ADAMTS9: variants seen among roughly 807,000 people sequenced by gnomAD.
ADAMTS9 encodes the protein ADAM metallopeptidase with thrombospondin type 1 motif 9, also known as A disintegrin and metalloproteinase with thrombospondin motifs 9.
In ADAMTS9, 107 loss-of-function variants were observed where a neutral mutation model predicts 257.1. The observed-to-expected ratio is 0.42, with a 90% confidence interval of 0.36 to 0.49. ADAMTS9 has a LOEUF of 0.49. ADAMTS9 is among the 20% of genes least tolerant of loss of function. ADAMTS9 has a pLI of 0.03. For missense variants in ADAMTS9, 2,353 were observed against 2,469.1 expected, an observed-to-expected ratio of 0.95 and a Z score of 1.00; for synonymous variants, 982 against 880.9, an observed-to-expected ratio of 1.11 and a Z score of -2.03.
At chr3:64,683,585 TAC>T (rs1184829022) in intron 2 of ADAMTS9, among the ~76,000 whole-genome samples, 3 of 152,168 alleles carry the variant, frequency 2.0e-5, no homozygotes, top group Non-Finnish European at 4.4e-5. Flanking sequence ...GATGAGATAA[TAC>T]ATATGTAAAC....
intron 25 of ADAMTS9, 142 bp downstream of exon 25, chr3:64,603,780 C>T (rs887021035): frequency 4.1e-6 from 4 of 977,366 alleles, no homozygotes; most frequent in Non-Finnish European, 4.6e-6. Context: ...ATAAGTGGAG[C>T]AGCACAATTT....
At chr3:64,623,714 T>A (rs1171326041) in intron 16 of ADAMTS9, among the ~76,000 whole-genome samples, 1 of 152,196 alleles carries the variant, frequency 6.6e-6, no homozygotes, top group Non-Finnish European at 1.5e-5. Context: ...CGCTTTCTCA[T>A]CTTTCTCCAT....
At chr3:64,661,177 C>T (rs1167205786) in intron 3 of ADAMTS9, among the ~76,000 whole-genome samples, 2 of 152,156 alleles carry the variant, frequency 1.3e-5, no homozygotes, top group Admixed American at 6.5e-5. Context: ...TAGATAATAT[C>T]GCTAGCCAAA....
chr3:64,520,241 G>A (rs922930629), intron 39 of ADAMTS9, among the ~76,000 whole-genome samples: 3 of 152,002 alleles, frequency 2.0e-5, no homozygotes, highest in African/African-American at 7.2e-5. Flanking sequence ...TAATCAAGCA[G>A]GTAAAAGAGC....
At chr3:64,558,239 GGCTTCAAAT>G (rs1234622836) in intron 30 of ADAMTS9, among the ~76,000 whole-genome samples, 1 of 152,012 alleles carries the variant, frequency 6.6e-6, no homozygotes, top group Non-Finnish European at 1.5e-5. Context: ...CAAGCTTCCG[GGCTTCAAAT>G]TCCAGCCATA....
chr3:64,568,501 C>A lies in ADAMTS9; in HGVS notation c.4391G>T (p.Arg1464Leu). ...SVSCGRGHKQ[R>L]NVYCMAKDGS... is the part of the protein sequence containing the mutation. ...ATCTTTTGCCATGCAGTAAACATTT[C>A]GTTGTTTATGCCCTCGACCACAAGA... The change falls in exon 29 of 40, where the codon CGA becomes CTA. Residue 1464 changes from arginine (R) to leucine (L), a missense_variant. Arg to Leu is a moderately radical substitution (Grantham distance 102, BLOSUM62 -2). Around this residue, in one of 3 missense-constraint regions of ADAMTS9, gnomAD observed 1,402 missense variants for 1,441.4 expected, o/e 0.97. Transcript: ENST00000498707. 1 of 1,614,016 alleles carries A rather than the reference C, an allele frequency of 6.2e-7. No individual in the cohort carries two copies. The highest frequency in any genetic ancestry group is 8.5e-7 in the Non-Finnish European group (1 of 1,179,976).
intron 36 of ADAMTS9, among the ~76,000 whole-genome samples, chr3:64,539,845 A>G (rs930837346): frequency 2.6e-5 from 4 of 152,238 alleles, no homozygotes; most frequent in African/African-American, 9.6e-5. Context: ...GTTCGGGGCT[A>G]GCCTGTAATT....
chr3:64,628,578 T>TC (rs138117535), intron 16 of ADAMTS9, among the ~76,000 whole-genome samples: 5,485 of 151,812 alleles, frequency 0.036, 321 homozygotes, highest in African/African-American at 0.12. Context: ...AGAAATGGAT[T>TC]CCCCCCCCAA....
At chr3:64,661,281 G>A (rs1193278967) in intron 3 of ADAMTS9, among the ~76,000 whole-genome samples, 2 of 142,734 alleles carry the variant, frequency 1.4e-5, no homozygotes, top group Non-Finnish European at 3.0e-5. Flanking sequence ...AGTATTGCAT[G>A]TCTACCAACT....
intron 11 of ADAMTS9, among the ~76,000 whole-genome samples, chr3:64,646,284 CA>C (rs528654785): frequency 7.9e-5 from 12 of 152,252 alleles, no homozygotes; most frequent in Admixed American, 7.8e-4. Context: ...CAACTGGTAG[CA>C]GTTGTTTGGG....
chr3:64,604,442 T>A (rs938537894), intron 23 of ADAMTS9, 111 bp from the exon 24 acceptor site: 1 of 760,534 alleles, frequency 1.3e-6, no homozygotes, highest in African/African-American at 1.8e-5. Flanking sequence ...AGGCTTCAGA[T>A]TTCTGTGTGA....
chr3:64,590,925 T>C (rs913635906), intron 28 of ADAMTS9, among the ~76,000 whole-genome samples: 1 of 152,202 alleles, frequency 6.6e-6, no homozygotes, highest in Non-Finnish European at 1.5e-5. Context: ...AAGACCCATC[T>C]TGGATACATG....
At chr3:64,574,592 G>C (rs2083785519) in intron 28 of ADAMTS9, among the ~76,000 whole-genome samples, 1 of 151,454 alleles carries the variant, frequency 6.6e-6, no homozygotes, top group African/African-American at 2.4e-5. Flanking sequence ...AATTAGCTGG[G>C]CATGGTGATG....
At chr3:64,521,288 A>G (rs2082848401) in intron 39 of ADAMTS9, among the ~76,000 whole-genome samples, 1 of 152,124 alleles carries the variant, frequency 6.6e-6, no homozygotes, top group Non-Finnish European at 1.5e-5. Context: ...CTTAAAAAGT[A>G]AAAAGATAAC....
At chr3:64,555,967 C>T (rs1293112072) in intron 30 of ADAMTS9, among the ~76,000 whole-genome samples, 2 of 152,132 alleles carry the variant, frequency 1.3e-5, no homozygotes, top group Non-Finnish European at 2.9e-5. Flanking sequence ...ATAAAATGAG[C>T]AATAAAGAGT....
At chr3:64,613,236 G>A (rs2084700096) in intron 22 of ADAMTS9, 109 bp downstream of exon 22, 1 of 1,354,448 alleles carries the variant, frequency 7.4e-7, no homozygotes, top group African/African-American at 1.5e-5. Flanking sequence ...TGTCCTGCAT[G>A]CCACCCGGCA....
At chr3:64,518,121 G>A (rs1390322877) in intron 39 of ADAMTS9, among the ~76,000 whole-genome samples, 2 of 152,144 alleles carry the variant, frequency 1.3e-5, no homozygotes, top group Non-Finnish European at 2.9e-5. Flanking sequence ...TGGTGTAGGG[G>A]GCAATGATCT....
chr3:64,654,339 G>A lies in ADAMTS9; in HGVS notation c.1316+14C>T, dbSNP rs1336738807. ...TCACTCCAAATTAAATGAAATTACT[G>A]AAAGGTAACTCACACATGGCCCAGC... is the stretch of plus-strand genomic sequence containing the variant. On this transcript the variant is annotated intron_variant, in intron 8 of 39. Coordinates refer to ENST00000498707, the MANE Select transcript of ADAMTS9 (RefSeq NM_182920.2). The A allele has an allele frequency of 1.2e-6, 2 of 1,604,486 alleles. No individual in the cohort carries two copies. The highest frequency in any genetic ancestry group is 4.5e-5 in the East Asian group (2 of 44,832).
intron 38 of ADAMTS9, among the ~76,000 whole-genome samples, chr3:64,529,856 T>C (rs139635457): frequency 0.012 from 1,752 of 152,248 alleles, 22 homozygotes; most frequent in Non-Finnish European, 0.016. Flanking sequence ...TCTTACTCTG[T>C]TGCCCAGGCT....
Sources: allele counts gnomAD v4.1 joint callset (sites outside exome capture counted in the v4.1 genomes callset), GRCh38; gene constraint gnomAD v4.1.1; regional missense constraint gnomAD v4.1.1; transcripts MANE v1.5; gene names NCBI Gene and HGNC (gene_info 2026-07-23, HGNC 2026-07-21).